Variants in MYH14 observed in about 807,000 individuals in gnomAD.
The protein encoded by MYH14 is myosin heavy chain 14.
A neutral mutation model predicts 255.5 loss-of-function variants in MYH14; 123 were observed. The ratio of observed to expected loss-of-function variants is 0.48; its 90% CI spans 0.42 to 0.56. The LOEUF (loss-of-function observed/expected upper bound fraction) is 0.56. Ranked by LOEUF, MYH14 falls within the 20% of genes least tolerant of loss-of-function variation. The pLI, the probability that MYH14 is intolerant of heterozygous loss-of-function variation, is 0.00. For missense variants in MYH14, 2,423 were observed against 2,802.3 expected (o/e 0.86, Z 3.06); for synonymous variants, 1,095 against 1,161.2 (o/e 0.94, Z 1.16).
Position 50,286,635 on chromosome 19 carries a change from C to T in MYH14, c.4693C>T (p.Arg1565Trp), listed in dbSNP as rs769989306. Reference protein sequence around the residue: ...EAREELERQNRALRAELEALL... With the variant: ...EAREELERQNWALRAELEALL... Reference sequence around the variant, plus strand: ...ACGTGAGGAGCTGGAGCGGCAGAACCGGGCCCTGCGGGCTGAGCTGGAGGC... The same window carrying T: ...ACGTGAGGAGCTGGAGCGGCAGAACTGGGCCCTGCGGGCTGAGCTGGAGGC... The change falls in exon 34 of 43, where the codon CGG becomes TGG. Residue 1565 changes from arginine to tryptophan, a missense_variant. Transcript: ENST00000642316. 8.8e-6 allele frequency: 14 copies of T among 1,592,166 alleles called. No homozygotes were observed. Among genetic ancestry groups the T allele is most frequent in the African/African-American group, 4.0e-5 (3 of 74,672 alleles).
intron 39 of MYH14, 94 bp from the exon 40 acceptor site, chr19:50,301,567 A>C: frequency 1.2e-6 from 1 of 841,526 alleles, no homozygotes; most frequent in South Asian, 1.5e-5. Flanking sequence ...TGTGACAATC[A>C]TCAGTGCACT....
intron 10 of MYH14, among the ~76,000 whole-genome samples, chr19:50,242,397 G>T (rs1161329527): frequency 1.3e-5 from 2 of 152,170 alleles, no homozygotes; most frequent in Non-Finnish European, 2.9e-5. Flanking sequence ...CACAATCATG[G>T]CAGAAGGCAA....
At position 50,249,060 on chromosome 19, in the gene MYH14, A is replaced by C. The variant is rs968500267; in HGVS notation, c.1403A>C (p.Asn468Thr). ...RLFRWLVLRL[N>T]RALDRSPRQG... Reference sequence around the variant, plus strand: ...TTCCGCTGGCTGGTTCTGCGCCTCAACCGGGCCTTGGACCGCAGCCCCCGC... The same window carrying C: ...TTCCGCTGGCTGGTTCTGCGCCTCACCCGGGCCTTGGACCGCAGCCCCCGC... The change falls in exon 13 of 43, where the codon AAC becomes ACC. Residue 468 changes from asparagine (N) to threonine (T), a missense_variant. Transcript: ENST00000642316. 1 of 1,611,646 alleles carries C rather than the reference A, an allele frequency of 6.2e-7. No individual in the cohort carries two copies. Among genetic ancestry groups the C allele is most frequent in the Admixed American group, 1.7e-5 (1 of 59,676 alleles).
Position 50,276,616 on chromosome 19 carries a change from A to G in MYH14, c.3681-141A>G. On this transcript the variant is annotated intron_variant, in intron 28 of 42. Coordinates refer to ENST00000642316, the MANE Select transcript of MYH14 (RefSeq NM_001145809.2). The surrounding 1 kb of genome is among the most constrained non-coding windows in gnomAD (Gnocchi z 4.3). ...AAAGCCACACTCCTTCCACAGCATC[A>G]CCACCCAGATCTCCTGAGGAGCATA... 1 of 1,073,712 alleles carries G rather than the reference A, an allele frequency of 9.3e-7. No homozygotes were observed. Among genetic ancestry groups the G allele is most frequent in the Non-Finnish European group, 1.4e-6 (1 of 728,478 alleles). The allele number at this position is 1,073,712 out of a possible 1,614,324, so 66.5% of individuals were successfully genotyped here.
chr19:50,279,176 C>T (rs924946280), intron 30 of MYH14, among the ~76,000 whole-genome samples: 2 of 152,258 alleles, frequency 1.3e-5, no homozygotes, highest in South Asian at 2.1e-4. Context: ...AACCACTAAT[C>T]TCCTTTCTGT....
chr19:50,213,120 T>G (rs2032284895), intron 2 of MYH14, among the ~76,000 whole-genome samples: 1 of 152,104 alleles, frequency 6.6e-6, no homozygotes, highest in Non-Finnish European at 1.5e-5. Context: ...GCCCAGCTAA[T>G]TTTTGTATTT....
intron 32 of MYH14, among the ~76,000 whole-genome samples, chr19:50,281,181 A>G (rs551298765): frequency 5.3e-5 from 8 of 152,208 alleles, no homozygotes; most frequent in Non-Finnish European, 7.3e-5. Context: ...GCAGACTTCT[A>G]TGCATACTTC....
At chr19:50,307,228 C>A in intron 41 of MYH14, 71 bp downstream of exon 41, 2 of 947,676 alleles carry the variant, frequency 2.1e-6, no homozygotes, top group Admixed American at 2.0e-5. Context: ...CAGGCTGTCT[C>A]CAGAGGCAAT....
intron 6 of MYH14, among the ~76,000 whole-genome samples, chr19:50,225,152 C>T (rs2033029732): frequency 6.6e-6 from 1 of 152,144 alleles, no homozygotes; most frequent in African/African-American, 2.4e-5. Flanking sequence ...TTCCTGTTTC[C>T]TCCCCTCAGT....
chr19:50,309,133 C>T lies in MYH14; in HGVS notation c.5916C>T (p.Ala1972=), dbSNP rs374905876. The part of the protein sequence containing the change: ...QRELEDVTES[A]ESMNREVTTL... ...AGCTGGAAGATGTCACAGAGTCGGCCGAGTCCATGAACCGTGAAGTGACCA... is the reference window on the plus strand; with the variant it reads ...AGCTGGAAGATGTCACAGAGTCGGCTGAGTCCATGAACCGTGAAGTGACCA... Residue 1972 remains alanine, a synonymous_variant, in exon 42 of 43, where the codon GCC becomes GCT. Coordinates refer to ENST00000642316, the MANE Select transcript of MYH14 (RefSeq NM_001145809.2). 1.2e-5 allele frequency: 20 copies of T among 1,613,744 alleles called. No homozygotes were observed. The highest frequency in any genetic ancestry group is 1.1e-4 in the African/African-American group (8 of 74,898).
At chr19:50,262,486 C>G (rs920519841) in intron 21 of MYH14, among the ~76,000 whole-genome samples, 1 of 150,484 alleles carries the variant, frequency 6.6e-6, no homozygotes, top group Non-Finnish European at 1.5e-5. Flanking sequence ...TGCAGTGAGC[C>G]AAGATCATGT....
Position 50,226,976 on chromosome 19 carries a change from C to A in MYH14, c.874+10C>A. The A allele has an allele frequency of 6.2e-7, 1 of 1,613,566 alleles. No individual in the cohort carries two copies. Among genetic ancestry groups the A allele is most frequent in the Non-Finnish European group, 8.5e-7 (1 of 1,179,648 alleles). ...GCCAACATTGAGACCTGTATCCTCT[C>A]ACAGCCCATGGGGGTGGCAGCCAAG... On this transcript the variant is annotated intron_variant, in intron 8 of 42. Coordinates refer to ENST00000642316, the MANE Select transcript of MYH14 (RefSeq NM_001145809.2).
chr19:50,232,593 C>CAAAAAAAAAA (rs532232129), intron 10 of MYH14, among the ~76,000 whole-genome samples: 23 of 63,700 alleles, frequency 3.6e-4, no homozygotes, highest in East Asian at 1.2e-3. Context: ...GACTCTGTCT[C>CAAAAAAAAAA]AAAAAAAAAA....
At chr19:50,222,531 A>G (rs917570499) in intron 3 of MYH14, among the ~76,000 whole-genome samples, 27 of 151,308 alleles carry the variant, frequency 1.8e-4, no homozygotes, top group Admixed American at 1.4e-3. Flanking sequence ...TACTGATTCA[A>G]TTTTCTTCCC....
chr19:50,206,802 G>A (rs575258168), intron 1 of MYH14, among the ~76,000 whole-genome samples: 5 of 152,118 alleles, frequency 3.3e-5, no homozygotes, highest in Non-Finnish European at 5.9e-5. Context: ...AGGTGGGGAC[G>A]GCAGTTGCAT....
chr19:50,268,121 G>A, intron 23 of MYH14, 40 bp from the exon 24 acceptor site: 1 of 1,525,968 alleles, frequency 6.6e-7, no homozygotes, highest in Non-Finnish European at 8.8e-7. Context: ...TGCCCTGGGA[G>A]CACTGCCTGC....
chr19:50,284,809 A>G (rs1230182531), intron 33 of MYH14: 2 of 152,054 alleles, frequency 1.3e-5, no homozygotes, highest in Non-Finnish European at 1.5e-5. Flanking sequence ...TTTTGTGAAT[A>G]TAAATATCCA....
At position 50,280,487 on chromosome 19, in the gene MYH14, C is replaced by T. The variant is rs2035679880; in HGVS notation, c.4290+104C>T. 7 of 1,237,562 alleles carry T rather than the reference C, an allele frequency of 5.7e-6. No homozygotes were observed. Among genetic ancestry groups the T allele is most frequent in the Non-Finnish European group, 7.7e-6 (7 of 912,564 alleles). 76.7% of individuals were successfully genotyped at this position (1,237,562 alleles called of 1,614,324 possible). ...GCCATGCTGCCCACCTTCTCATAGG[C>T]CAGACCCATGGGTGCCTTTCTCATC... On this transcript the variant is annotated intron_variant, in intron 32 of 42. Coordinates refer to ENST00000642316, the MANE Select transcript of MYH14 (RefSeq NM_001145809.2). This position sits in a 1 kb window ranked among gnomAD's most constrained non-coding sequence, Gnocchi z 4.8.
chr19:50,282,730 T>A (rs2434832), intron 33 of MYH14, among the ~76,000 whole-genome samples: 55,609 of 151,504 alleles, frequency 0.37, 11,252 homozygotes, highest in African/African-American at 0.54. Context: ...TTAAAAAAAA[T>A]TTTTTTAAAT....
Sources: allele counts gnomAD v4.1 joint callset (sites outside exome capture counted in the v4.1 genomes callset), GRCh38; gene constraint gnomAD v4.1.1; non-coding constraint Gnocchi (gnomAD v3.1); transcripts MANE v1.5; gene names NCBI Gene and HGNC (gene_info 2026-07-23, HGNC 2026-07-21).